Variants in RHBDL3 observed in about 807,000 individuals in gnomAD.
RHBDL3 encodes rhomboid-related protein 3.
A neutral mutation model predicts 48.2 loss-of-function variants in RHBDL3; 28 were observed. That is an observed-to-expected ratio of 0.58 (90% CI 0.43 to 0.80). The LOEUF (loss-of-function observed/expected upper bound fraction) is 0.80, where lower values mean the gene tolerates loss of function less well. Ranked by LOEUF, RHBDL3 falls within the 30% of genes least tolerant of loss-of-function variation. RHBDL3 has a pLI of 0.00. For missense variants in RHBDL3, 464 were observed against 542.7 expected (o/e 0.85, Z 1.44); for synonymous variants, 208 against 232.3 (o/e 0.90, Z 0.95).
At chr17:32,278,695 TG>T (rs946669914) in intron 2 of RHBDL3, among the ~76,000 whole-genome samples, 5 of 152,192 alleles carry the variant, frequency 3.3e-5, no homozygotes, top group African/African-American at 1.2e-4. Flanking sequence ...ACCCAGCTCT[TG>T]GTGCCTTGGT....
At chr17:32,300,066 C>T (rs9891969) in intron 6 of RHBDL3, among the ~76,000 whole-genome samples, 59,330 of 152,026 alleles carry the variant, frequency 0.39, 13,513 homozygotes, top group Non-Finnish European at 0.51. Context: ...GTGGGCACTG[C>T]TGCTCTCCCC....
intron 2 of RHBDL3, among the ~76,000 whole-genome samples, chr17:32,270,132 C>CAAAA (rs66986205): frequency 3.7e-4 from 25 of 68,080 alleles, no homozygotes; most frequent in South Asian, 6.6e-4. Flanking sequence ...GACCCTTTCT[C>CAAAA]AAAAAAAAAA....
Position 32,321,181 on chromosome 17 carries a change from C to T in RHBDL3, c.1167C>T (p.Asn389=), listed in dbSNP as rs1567794609. ...TCGTGCTGTTCGCTGTCTTCTGGAA[C>T]ATCTTTGCCTACACCCTGCTGGACT... ...TVFVLFAVFW[N]IFAYTLLDLK... The change falls in exon 9 of 9, where the codon AAC becomes AAT. Residue 389 remains asparagine, a synonymous_variant. Transcript: ENST00000269051. 6.2e-7 allele frequency: 1 copy of T among 1,614,190 alleles called. No homozygotes were observed. Among genetic ancestry groups the T allele is most frequent in the Non-Finnish European group, 8.5e-7 (1 of 1,180,002 alleles).
chr17:32,265,924 G>T lies in RHBDL3; in HGVS notation c.-266G>T, dbSNP rs959099399. 6.8e-6 allele frequency among the ~76,000 whole-genome samples: 1 copy of T among 146,808 alleles called. No homozygotes were observed. The highest frequency in any genetic ancestry group is 1.5e-5 in the Non-Finnish European group (1 of 65,888). ...GCGCCCTCGCCTCGGAGCCGGGCGC[G>T]AGGGCCGGGGCGGAGGCGGAGGCCG... is the stretch of plus-strand genomic sequence containing the variant. On this transcript the variant is annotated 5_prime_UTR_variant, in exon 1 of 9. Coordinates refer to ENST00000269051, the MANE Select transcript of RHBDL3 (RefSeq NM_138328.3).
rs1340354421 is a variant in RHBDL3 at position 32,310,705 on chromosome 17, T to C, written c.882+5264T>C. Among the ~76,000 whole-genome samples, 4 of 137,442 alleles carry C rather than the reference T, an allele frequency of 2.9e-5. No individual in the cohort carries two copies. In the Admixed American group the frequency reaches 2.9e-4, roughly 10 times the overall value. 90.2% of individuals were successfully genotyped at this position (137,442 alleles called of 152,430 possible). Reference sequence around the variant, plus strand: ...TCCAGCCTGGGCGACAGATAGAGACTCCGTCTAAAAAAAATATATATATAA... The same window carrying C: ...TCCAGCCTGGGCGACAGATAGAGACCCCGTCTAAAAAAAATATATATATAA... On this transcript the variant is annotated intron_variant, in intron 7 of 8. Coordinates refer to ENST00000269051, the MANE Select transcript of RHBDL3 (RefSeq NM_138328.3).
intron 1 of RHBDL3, chr17:32,267,681 T>A (rs1227135777): frequency 4.8e-5 from 13 of 270,108 alleles, no homozygotes; most frequent in Non-Finnish European, 7.3e-5. Context: ...CCCCATCCCT[T>A]ACTGTGAGTT....
intron 2 of RHBDL3, among the ~76,000 whole-genome samples, chr17:32,280,064 C>A (rs1266090149): frequency 6.6e-6 from 1 of 152,174 alleles, no homozygotes; most frequent in African/African-American, 2.4e-5. Context: ...CGATTAAAGG[C>A]CGAGGCAGGT....
intron 4 of RHBDL3, among the ~76,000 whole-genome samples, chr17:32,291,277 G>A (rs958806472): frequency 5.3e-5 from 8 of 151,590 alleles, no homozygotes; most frequent in African/African-American, 1.9e-4. Flanking sequence ...AGGTTGCAGT[G>A]AGCCAAGATC....
intron 2 of RHBDL3, among the ~76,000 whole-genome samples, chr17:32,276,559 G>A (rs1444710807): frequency 6.6e-6 from 1 of 152,100 alleles, no homozygotes; most frequent in Non-Finnish European, 1.5e-5. Flanking sequence ...CTGCTCAGAA[G>A]ACGAGTAATG....
chr17:32,285,849 G>A (rs952157802), intron 3 of RHBDL3, among the ~76,000 whole-genome samples: 1 of 152,214 alleles, frequency 6.6e-6, no homozygotes, highest in African/African-American at 2.4e-5. Context: ...ACTGGAGCCT[G>A]TCATTGTGCC....
chr17:32,282,008 A>G (rs1049261657), intron 2 of RHBDL3, among the ~76,000 whole-genome samples: 3 of 152,148 alleles, frequency 2.0e-5, no homozygotes, highest in Non-Finnish European at 4.4e-5. Flanking sequence ...CTGTGCCTCT[A>G]TTTCCTCGTC....
chr17:32,277,104 T>G (rs1218253884), intron 2 of RHBDL3, among the ~76,000 whole-genome samples: 1 of 152,156 alleles, frequency 6.6e-6, no homozygotes, highest in African/African-American at 2.4e-5. Context: ...AGATCCCAGG[T>G]CTCCACCTTC....
Position 32,284,681 on chromosome 17 carries a change from A to G in RHBDL3, c.158A>G (p.Tyr53Cys), listed in dbSNP as rs906250468. 6.8e-6 allele frequency: 11 copies of G among 1,614,058 alleles called. No individual in the cohort carries two copies. Among genetic ancestry groups the G allele is most frequent in the Admixed American group, 1.7e-5 (1 of 60,012 alleles). The change falls in exon 3 of 9, where the codon TAC becomes TGC. Residue 53 changes from tyrosine to cysteine, a missense_variant. Physicochemically the swap from Tyr to Cys is radical, Grantham distance 194. Coordinates refer to ENST00000269051, the MANE Select transcript of RHBDL3 (RefSeq NM_138328.3). ...CAGTTTGACCCTGGGAACACAGGCT[A>G]CATTAGCACAGGCAAGTTCCGGAGT... The part of the protein sequence containing the change: ...FDQFDPGNTG[Y>C]ISTGKFRSLL...
chr17:32,269,824 A>G (rs920341837), intron 2 of RHBDL3, among the ~76,000 whole-genome samples: 1 of 152,136 alleles, frequency 6.6e-6, no homozygotes, highest in Non-Finnish European at 1.5e-5. Flanking sequence ...GTGTATGTGT[A>G]CATTTTAAAA....
At chr17:32,268,255 G>T (rs562535758) in intron 2 of RHBDL3, among the ~76,000 whole-genome samples, 3 of 152,282 alleles carry the variant, frequency 2.0e-5, no homozygotes, top group African/African-American at 7.2e-5. Context: ...CTGGAGAGGT[G>T]GGGGAAGGGC....
intron 7 of RHBDL3, among the ~76,000 whole-genome samples, chr17:32,314,482 C>T (rs2040922530): frequency 6.6e-6 from 1 of 152,088 alleles, no homozygotes; most frequent in South Asian, 2.1e-4. Context: ...CGCGCCCAGC[C>T]GGGTATCACC....
At chr17:32,289,313 A>G (rs1296800843) in intron 4 of RHBDL3, among the ~76,000 whole-genome samples, 6 of 152,080 alleles carry the variant, frequency 3.9e-5, no homozygotes, top group Admixed American at 3.9e-4. Context: ...AAACAACAGC[A>G]ATAAAAACAA....
chr17:32,275,147 G>A (rs1263055641), intron 2 of RHBDL3, among the ~76,000 whole-genome samples: 2 of 152,154 alleles, frequency 1.3e-5, no homozygotes, highest in East Asian at 1.9e-4. Flanking sequence ...GAGATGGGGC[G>A]ATGTCAGATC....
chr17:32,299,485 A>G (rs189450484), intron 6 of RHBDL3, among the ~76,000 whole-genome samples: 3 of 152,328 alleles, frequency 2.0e-5, no homozygotes, highest in Non-Finnish European at 4.4e-5. Context: ...TCAGCCACCC[A>G]CACACCCCCT....
Sources: allele counts gnomAD v4.1 joint callset (sites outside exome capture counted in the v4.1 genomes callset), GRCh38; gene constraint gnomAD v4.1.1; transcripts MANE v1.5; gene names NCBI Gene and HGNC (gene_info 2026-07-23, HGNC 2026-07-21).